PCDHGB3: variants seen among roughly 807,000 people sequenced by gnomAD.
The protein encoded by PCDHGB3 is protocadherin gamma subfamily B, 3.
A neutral mutation model predicts 59.2 loss-of-function variants in PCDHGB3; 40 were observed. That is an observed-to-expected ratio of 0.68 (90% CI 0.52 to 0.88). The LOEUF is 0.88. Ranked by LOEUF, PCDHGB3 falls within the 40% of genes least tolerant of loss-of-function variation. The probability of loss-of-function intolerance (pLI) is 0.00; values close to 1 mark genes in which losing one functional copy is unlikely to be tolerated. For synonymous variants in PCDHGB3, 581 were observed against 503.6 expected, an observed-to-expected ratio of 1.15 and a Z score of -2.06; for missense variants, 1,309 against 1,187.9, an observed-to-expected ratio of 1.10 and a Z score of -1.50.
At position 141,372,781 on chromosome 5, in the gene PCDHGB3, T is replaced by C; in HGVS notation, c.2387T>C (p.Met796Thr). The C allele has an allele frequency of 6.2e-7, 1 of 1,608,572 alleles. No homozygotes were observed. The highest frequency in any genetic ancestry group is 8.5e-7 in the Non-Finnish European group (1 of 1,177,028). The part of the protein sequence containing the change: ...SWFESNDNPE[M>T]PSNSGNLQKQ... Reference sequence around the variant, plus strand: ...TTTGAAAGTAATGACAATCCAGAAATGCCTTCTAATTCAGGCAATTTGCAA... The same window carrying C: ...TTTGAAAGTAATGACAATCCAGAAACGCCTTCTAATTCAGGCAATTTGCAA... Residue 796 changes from methionine (M) to threonine (T), a missense_variant, in exon 1 of 4, where the codon ATG becomes ACG. Coordinates refer to ENST00000576222, the MANE Select transcript of PCDHGB3 (RefSeq NM_018924.5).
intron 1 of PCDHGB3, chr5:141,408,498 G>A (rs934521153): frequency 1.7e-5 from 27 of 1,613,634 alleles, no homozygotes; most frequent in Non-Finnish European, 2.3e-5. Flanking sequence ...TGCAAAGAGA[G>A]AAGAAGATGT....
At position 141,415,600 on chromosome 5, in the gene PCDHGB3, C is replaced by G. The variant is rs778987183; in HGVS notation, c.2415+42791C>G. ...TTCGAAGTTTCCTATAGAGGATACC[C>G]CATTGGTTCCAGTGAGTTTTATTTT... On this transcript the variant is annotated intron_variant, in intron 1 of 3. Coordinates refer to ENST00000576222, the MANE Select transcript of PCDHGB3 (RefSeq NM_018924.5). 24 of 1,613,588 alleles carry G rather than the reference C, an allele frequency of 1.5e-5. No individual in the cohort carries two copies. In the Middle Eastern group the frequency reaches 1.2e-3, roughly 77 times the overall value.
intron 2 of PCDHGB3, among the ~76,000 whole-genome samples, chr5:141,505,180 A>G (rs1435197883): frequency 6.6e-6 from 1 of 152,200 alleles, no homozygotes; most frequent in Non-Finnish European, 1.5e-5. Context: ...AGAAAAAAGC[A>G]TCGGAGGCAG....
intron 1 of PCDHGB3, chr5:141,478,217 G>A: frequency 2.5e-6 from 4 of 1,614,094 alleles, no homozygotes. Flanking sequence ...TCTAATCCTG[G>A]TTTCTGTGGG....
intron 1 of PCDHGB3, chr5:141,399,769 G>A (rs369379702): frequency 2.6e-5 from 42 of 1,613,216 alleles, no homozygotes; most frequent in Non-Finnish European, 3.5e-5. Flanking sequence ...GCGCGTGTTG[G>A]TGGGCGACCG....
At chr5:141,393,639 A>G in intron 1 of PCDHGB3, 1 of 1,613,964 alleles carries the variant, frequency 6.2e-7, no homozygotes, top group Non-Finnish European at 8.5e-7. Context: ...AATCAACGGA[A>G]AAGTGGCATA....
At chr5:141,405,246 A>G (rs1163477660) in intron 1 of PCDHGB3, 10 of 1,614,126 alleles carry the variant, frequency 6.2e-6, no homozygotes, top group Non-Finnish European at 8.5e-6. Flanking sequence ...GACTCAAGGA[A>G]GAGTCACCTG....
chr5:141,465,574 C>T (rs1477852984), intron 1 of PCDHGB3, among the ~76,000 whole-genome samples: 2 of 152,160 alleles, frequency 1.3e-5, no homozygotes, highest in Admixed American at 1.3e-4. Context: ...TTTCTCAAAA[C>T]ACTCTCATAA....
At chr5:141,395,495 T>A (rs182989344) in intron 1 of PCDHGB3, 1 of 498,616 alleles carries the variant, frequency 2.0e-6, no homozygotes, top group East Asian at 3.5e-5. Context: ...TATCACTCAT[T>A]CACTTAAGAA....
chr5:141,458,619 G>T (rs1393941674), intron 1 of PCDHGB3, among the ~76,000 whole-genome samples: 1 of 152,080 alleles, frequency 6.6e-6, no homozygotes, highest in South Asian at 2.1e-4. Context: ...AGCCAGGCTG[G>T]AGTGCAGTGG....
chr5:141,401,586 A>G (rs1174763520), intron 1 of PCDHGB3, among the ~76,000 whole-genome samples: 2 of 152,228 alleles, frequency 1.3e-5, no homozygotes, highest in Admixed American at 1.3e-4. Context: ...ATCCTGACAT[A>G]TTCTTGAAGA....
At chr5:141,434,978 C>G (rs1287204052) in intron 1 of PCDHGB3, among the ~76,000 whole-genome samples, 2 of 151,700 alleles carry the variant, frequency 1.3e-5, no homozygotes, top group Non-Finnish European at 2.9e-5. Flanking sequence ...TTTGTTAATA[C>G]TCTATATCAT....
intron 1 of PCDHGB3, chr5:141,418,093 C>G: frequency 8.1e-6 from 13 of 1,614,032 alleles, no homozygotes; most frequent in Non-Finnish European, 1.1e-5. Flanking sequence ...TCAGCGTAGA[C>G]GCGCAGAGCG....
intron 1 of PCDHGB3, chr5:141,419,785 G>A (rs1268841728): frequency 1.2e-6 from 2 of 1,613,934 alleles, no homozygotes; most frequent in Non-Finnish European, 1.7e-6. Flanking sequence ...GCCAGCGCCT[G>A]CTAGTCGCTG....
rs1422052114 is a variant in PCDHGB3, at chr5:141,511,168, A to T, written c.2785A>T (p.Lys929Ter). The change falls in exon 4 of 4, where the codon AAG (lysine) becomes TAG (stop). Residue 929 changes from lysine to a stop codon, truncating the protein, a stop_gained. Coordinates refer to ENST00000576222, the MANE Select transcript of PCDHGB3 (RefSeq NM_018924.5). LOFTEE classifies it high-confidence loss of function. ...GAAGAAGTCGGGCAAGAAGGAGAAG[A>T]AGTAACATGGAGGCCAGGCCAAGAG... is the stretch of plus-strand genomic sequence containing the variant. The part of the protein sequence containing the change: ...NKKKSGKKEK[K>*] 1.4e-5 allele frequency: 22 copies of T among 1,614,038 alleles called. No individual in the cohort carries two copies. The highest frequency in any genetic ancestry group is 1.7e-5 in the Non-Finnish European group (20 of 1,180,008).
intron 1 of PCDHGB3, chr5:141,383,834 C>T: frequency 2.5e-6 from 4 of 1,613,906 alleles, no homozygotes; most frequent in Non-Finnish European, 3.4e-6. Context: ...TATGAAGAAA[C>T]TGCCTTCTAT....
At chr5:141,410,047 A>G in intron 1 of PCDHGB3, 1 of 1,612,420 alleles carries the variant, frequency 6.2e-7, no homozygotes. Flanking sequence ...GTGAGCCCGG[A>G]CTCTTCAGCC....
At chr5:141,449,436 A>T (rs1177598228) in intron 1 of PCDHGB3, among the ~76,000 whole-genome samples, 1 of 151,792 alleles carries the variant, frequency 6.6e-6, no homozygotes, top group African/African-American at 2.4e-5. Flanking sequence ...ATAAAACTCC[A>T]TCTCTACTAA....
intron 1 of PCDHGB3, chr5:141,385,190 G>C (rs899564761): frequency 3.7e-6 from 6 of 1,614,166 alleles, no homozygotes; most frequent in Non-Finnish European, 5.1e-6. Context: ...GCGGACTCTC[G>C]GAAGAGTCAC....
Sources: gnomAD v4.1 joint callset for allele counts (sites outside exome capture counted in the v4.1 genomes callset) on GRCh38, gnomAD v4.1.1 for gene constraint, MANE v1.5 for transcripts, NCBI Gene and HGNC (gene_info 2026-07-23, HGNC 2026-07-21) for gene names.